STK10: variants seen among roughly 807,000 people sequenced by gnomAD.
STK10 encodes the protein serine/threonine-protein kinase 10.
Under a neutral mutation model 113.8 loss-of-function variants are expected in STK10, and 78 were observed. The ratio of observed to expected loss-of-function variants is 0.69; its 90% CI spans 0.57 to 0.83. STK10 has a LOEUF of 0.83. STK10 is among the 40% of genes least tolerant of loss of function. The probability of loss-of-function intolerance (pLI) is 0.00; values close to 1 mark genes in which losing one functional copy is unlikely to be tolerated. For synonymous variants in STK10, 465 were observed against 494.7 expected (o/e 0.94, Z 0.80); for missense variants, 1,109 against 1,280.1 (o/e 0.87, Z 2.04).
At chr5:172,097,537 A>C (rs1011429049) in intron 7 of STK10, among the ~76,000 whole-genome samples, 6 of 152,120 alleles carry the variant, frequency 3.9e-5, no homozygotes, top group Non-Finnish European at 2.9e-5. Context: ...GGCTTCCTTT[A>C]CTCAGCGTCA....
intron 12 of STK10, among the ~76,000 whole-genome samples, chr5:172,065,905 G>A (rs968762819): frequency 2.6e-5 from 4 of 152,188 alleles, no homozygotes; most frequent in Non-Finnish European, 4.4e-5. Flanking sequence ...CTGGTCAGAC[G>A]CCAGCAAGTG....
chr5:172,061,052 G>T, intron 14 of STK10, 87 bp downstream of exon 14: 1 of 1,489,688 alleles, frequency 6.7e-7, no homozygotes. Flanking sequence ...AGGCCTGGGA[G>T]GTTCTTGTTG....
At chr5:172,160,591 G>A (rs527806166) in intron 1 of STK10, among the ~76,000 whole-genome samples, 160 of 152,222 alleles carry the variant, frequency 1.1e-3, no homozygotes, top group African/African-American at 3.7e-3. Flanking sequence ...TTATAGCTTA[G>A]TCTCCACCGT....
rs761069482 is a variant in STK10 at position 172,188,002 on chromosome 5, G to A, written c.41C>T (p.Thr14Ile). The A allele has an allele frequency of 6.2e-7, 1 of 1,613,396 alleles. No individual in the cohort carries two copies. The highest frequency in any genetic ancestry group is 8.5e-7 in the Non-Finnish European group (1 of 1,179,762). ...ANFRRILRLS[T>I]FEKRKSREYE... The stretch of plus-strand genomic sequence containing the variant: ...TTCGCGGGACTTTCTCTTCTCGAAG[G>A]TAGACAGGCGCAGGATGCGGCGGAA... Residue 14 changes from threonine (T) to isoleucine (I), a missense_variant, in exon 1 of 19, where the codon ACC becomes ATC. Thr to Ile is a moderately conservative substitution (Grantham distance 89, BLOSUM62 -1). Transcript: ENST00000176763. The surrounding 1 kb of genome is among the most constrained non-coding windows in gnomAD (Gnocchi z 5.6).
chr5:172,096,218 G>C (rs904160373), intron 8 of STK10, among the ~76,000 whole-genome samples: 1 of 152,176 alleles, frequency 6.6e-6, no homozygotes, highest in African/African-American at 2.4e-5. Flanking sequence ...AAACTCACAG[G>C]ATCGGGATCT....
intron 7 of STK10, among the ~76,000 whole-genome samples, chr5:172,103,677 G>A (rs1769041835): frequency 6.6e-6 from 1 of 152,096 alleles, no homozygotes. Context: ...ATACGTTATA[G>A]AAATGTAAAA....
chr5:172,077,921 G>A (rs1768347086), intron 12 of STK10, among the ~76,000 whole-genome samples: 2 of 152,198 alleles, frequency 1.3e-5, no homozygotes, highest in African/African-American at 4.8e-5. Context: ...GCATCCACGT[G>A]TGAATTACTC....
intron 1 of STK10, among the ~76,000 whole-genome samples, chr5:172,180,725 C>T (rs572503864): frequency 7.9e-5 from 12 of 152,200 alleles, no homozygotes; most frequent in Middle Eastern, 3.4e-3. Flanking sequence ...AGGAGAATCA[C>T]TTGAACCCAG....
intron 12 of STK10, among the ~76,000 whole-genome samples, chr5:172,076,008 G>A (rs113262848): frequency 6.0e-5 from 9 of 150,870 alleles, no homozygotes; most frequent in African/African-American, 2.2e-4. Flanking sequence ...TCAATTCTTG[G>A]ATTTATTTTT....
At chr5:172,164,448 C>T (rs1770528457) in intron 1 of STK10, among the ~76,000 whole-genome samples, 1 of 152,190 alleles carries the variant, frequency 6.6e-6, no homozygotes, top group South Asian at 2.1e-4. Context: ...TTACAACTCT[C>T]TATTAAGGGC....
Position 172,093,625 on chromosome 5 carries a change from G to A in STK10, c.1341C>T (p.Ala447=), listed in dbSNP as rs759136717. 3 of 1,614,136 alleles carry A rather than the reference G, an allele frequency of 1.9e-6. No homozygotes were observed. Among genetic ancestry groups the A allele is most frequent in the Non-Finnish European group, 2.5e-6 (3 of 1,180,052 alleles). Residue 447 remains alanine (A), a synonymous_variant, in exon 9 of 19, where the codon GCC becomes GCT. Transcript: ENST00000176763. This position sits in a 1 kb window ranked among gnomAD's most constrained non-coding sequence, Gnocchi z 4.1. ...CGCTGCTGTTGGGCCGGCTCTGGCT[G>A]GCCTTTTGAGATCTGTTGGCTGCTG... ...LSPAANRSQK[A]SQSRPNSSAL...
At chr5:172,130,096 T>C (rs1416893985) in intron 2 of STK10, among the ~76,000 whole-genome samples, 3 of 152,220 alleles carry the variant, frequency 2.0e-5, no homozygotes, top group Non-Finnish European at 4.4e-5. Flanking sequence ...CACCAAACCC[T>C]GGCTGGGAAC....
At chr5:172,186,787 A>G (rs992849245) in intron 1 of STK10, among the ~76,000 whole-genome samples, 1 of 152,120 alleles carries the variant, frequency 6.6e-6, no homozygotes. Context: ...CAAGCTCCCA[A>G]ATGATGCTAT....
At chr5:172,064,916 G>C (rs1768035835) in intron 12 of STK10, 104 bp from the exon 13 acceptor site, 1 of 1,324,348 alleles carries the variant, frequency 7.6e-7, no homozygotes, top group Non-Finnish European at 1.1e-6. Flanking sequence ...CCAAAGAAGA[G>C]GCTCAGCTTT....
At chr5:172,096,635 C>T in intron 7 of STK10, 75 bp from the exon 8 acceptor site, 1 of 1,577,456 alleles carries the variant, frequency 6.3e-7, no homozygotes, top group Non-Finnish European at 8.6e-7. Flanking sequence ...GGGGAGCTCA[C>T]CCCCGGGGCA....
At chr5:172,156,448 G>A (rs1235414396) in intron 2 of STK10, among the ~76,000 whole-genome samples, 176 bp downstream of exon 2, 1 of 152,248 alleles carries the variant, frequency 6.6e-6, no homozygotes, top group Admixed American at 6.5e-5. Context: ...CCAAGGGGGA[G>A]GCACCACAGG....
At chr5:172,180,984 A>T (rs1477393102) in intron 1 of STK10, among the ~76,000 whole-genome samples, 4 of 152,238 alleles carry the variant, frequency 2.6e-5, no homozygotes, top group Admixed American at 6.5e-5. Context: ...AGAAACAGCA[A>T]GTGAACGCCG....
intron 12 of STK10, among the ~76,000 whole-genome samples, chr5:172,078,290 A>G (rs916961765): frequency 5.3e-5 from 8 of 152,196 alleles, no homozygotes; most frequent in African/African-American, 1.9e-4. Flanking sequence ...TCAAAGCAAG[A>G]AAGTTTGCCT....
intron 1 of STK10, among the ~76,000 whole-genome samples, chr5:172,181,649 AG>A: frequency 6.6e-6 from 1 of 150,460 alleles, no homozygotes; most frequent in Non-Finnish European, 1.5e-5. Flanking sequence ...ATGCCAGGCT[AG>A]TTTTTGTATT....
Sources: gnomAD v4.1 joint callset for allele counts (sites outside exome capture counted in the v4.1 genomes callset) on GRCh38, gnomAD v4.1.1 for gene constraint, Gnocchi (gnomAD v3.1) non-coding constraint, MANE v1.5 for transcripts, NCBI Gene and HGNC (gene_info 2026-07-23, HGNC 2026-07-21) for gene names.